EML6: variants seen among roughly 807,000 people sequenced by gnomAD.
The protein encoded by EML6 is echinoderm microtubule-associated protein-like 6.
In EML6, 154 loss-of-function variants were observed where a neutral mutation model predicts 240.1. The observed-to-expected ratio is 0.64, with a 90% CI of 0.56 to 0.73. The LOEUF (loss-of-function observed/expected upper bound fraction) is 0.73, where lower values mean the gene tolerates loss of function less well. Ranked by LOEUF, EML6 falls within the 30% of genes least tolerant of loss-of-function variation. The pLI is 0.00. For synonymous variants in EML6, 1,148 were observed against 899.0 expected (o/e 1.28, Z -4.95); for missense variants, 2,964 against 2,474.6 (o/e 1.20, Z -4.20).
chr2:54,915,196 A>T (rs1038799281), intron 25 of EML6, among the ~76,000 whole-genome samples: 1 of 152,194 alleles, frequency 6.6e-6, no homozygotes. Flanking sequence ...GCTTCCAGCA[A>T]GTTCGACATT....
At chr2:54,892,686 CTCA>C in intron 19 of EML6, 30 bp downstream of exon 19, 1 of 1,510,582 alleles carries the variant, frequency 6.6e-7, no homozygotes, top group Non-Finnish European at 9.0e-7. Context: ...ATTCATTTTC[CTCA>C]TCAGCCTTCT....
chr2:54,828,529 C>A (rs1231581519), intron 6 of EML6, among the ~76,000 whole-genome samples: 2 of 152,152 alleles, frequency 1.3e-5, no homozygotes, highest in Non-Finnish European at 2.9e-5. Flanking sequence ...TCCCTATACC[C>A]TTAATATGAA....
chr2:54,781,489 C>T (rs577751962), intron 2 of EML6, among the ~76,000 whole-genome samples: 1 of 152,258 alleles, frequency 6.6e-6, no homozygotes, highest in Admixed American at 6.5e-5. Context: ...TTATGGCAGT[C>T]ACCCTCTACT....
intron 3 of EML6, among the ~76,000 whole-genome samples, chr2:54,814,192 G>C (rs924593429): frequency 6.6e-6 from 1 of 152,122 alleles, no homozygotes; most frequent in Non-Finnish European, 1.5e-5. Context: ...TAGTCGAATT[G>C]GACAAATCTG....
intron 2 of EML6, among the ~76,000 whole-genome samples, chr2:54,730,689 C>G (rs1683115854): frequency 6.6e-6 from 1 of 152,228 alleles, no homozygotes; most frequent in Non-Finnish European, 1.5e-5. Context: ...TTGACGGAAG[C>G]TTATAATGAT....
At chr2:54,892,431 T>A in intron 18 of EML6, 23 bp from the exon 19 acceptor site, 1 of 1,520,132 alleles carries the variant, frequency 6.6e-7, no homozygotes, top group Non-Finnish European at 8.9e-7. Flanking sequence ...TATAAAGTAA[T>A]AACTGTTCTT....
chr2:54,771,205 C>G (rs1668386597), intron 2 of EML6, among the ~76,000 whole-genome samples: 1 of 152,146 alleles, frequency 6.6e-6, no homozygotes, highest in Non-Finnish European at 1.5e-5. Context: ...AGTTTAGGCT[C>G]TCTACCTTCT....
chr2:54,862,941 G>A (rs1306351474), intron 12 of EML6, among the ~76,000 whole-genome samples: 1 of 152,214 alleles, frequency 6.6e-6, no homozygotes, highest in Non-Finnish European at 1.5e-5. Context: ...CAGTCAGGCT[G>A]CAGGGGAACA....
intron 2 of EML6, among the ~76,000 whole-genome samples, chr2:54,739,116 A>T (rs1010157540): frequency 6.6e-6 from 1 of 152,238 alleles, no homozygotes; most frequent in African/African-American, 2.4e-5. Context: ...AGTAAAATAT[A>T]TACATATATT....
In EML6 at chr2:54,827,679, T is replaced by G. The variant is rs1226316669; in HGVS notation, c.639T>G (p.Ser213=). ...GTGCCAAAGAAGACATCACCTACTC[T>G]GGTGCTTTAAATGGTGACATCTATG... ...LACAKEDITY[S]GALNGDIYVW... The change falls in exon 6 of 42, where the codon TCT becomes TCG. Residue 213 remains serine (S), a synonymous_variant. Transcript: ENST00000356458. The G allele has an allele frequency of 1.9e-6, 3 of 1,551,536 alleles. No homozygotes were observed. Among genetic ancestry groups the G allele is most frequent in the Admixed American group, 3.9e-5 (2 of 50,992 alleles).
chr2:54,774,330 TC>T lies in EML6; in HGVS notation c.198-38901del, dbSNP rs772052682. Among the ~76,000 whole-genome samples the T allele has an allele frequency of 1.3e-5, 2 of 152,170 alleles. No homozygotes were observed. Among genetic ancestry groups the T allele is most frequent in the African/African-American group, 2.4e-5 (1 of 41,446 alleles). Reference sequence around the variant, plus strand: ...ATACTATGCAGGCTCCACAGGATGGTCAGGCCTTTATGTTCCTACATTGATC... The same window carrying T: ...ATACTATGCAGGCTCCACAGGATGGTAGGCCTTTATGTTCCTACATTGATC... On this transcript the variant is annotated intron_variant, in intron 2 of 41. Coordinates refer to ENST00000356458, the MANE Select transcript of EML6 (RefSeq NM_001039753.4). This position sits in a 1 kb window ranked among gnomAD's most constrained non-coding sequence, Gnocchi z 4.1.
chr2:54,832,522 A>C (rs1219924426), intron 7 of EML6, among the ~76,000 whole-genome samples: 2 of 152,242 alleles, frequency 1.3e-5, no homozygotes, highest in African/African-American at 4.8e-5. Context: ...AAGACCCAAC[A>C]CAAGTGTAGG....
At chr2:54,935,766 T>G (rs1392602655) in intron 28 of EML6, among the ~76,000 whole-genome samples, 2 of 152,160 alleles carry the variant, frequency 1.3e-5, no homozygotes, top group Non-Finnish European at 2.9e-5. Flanking sequence ...ATCTCAGCAC[T>G]TTGGAAGGCT....
intron 28 of EML6, 106 bp from the exon 29 acceptor site, chr2:54,948,776 C>T (rs1404930333): frequency 7.6e-6 from 6 of 793,940 alleles, no homozygotes; most frequent in East Asian, 2.7e-5. Flanking sequence ...GCCTTTGAGG[C>T]GGGAGGAGAG....
chr2:54,936,664 T>C (rs1675149363), intron 28 of EML6, among the ~76,000 whole-genome samples: 1 of 152,194 alleles, frequency 6.6e-6, no homozygotes, highest in Admixed American at 6.5e-5. Context: ...CAAGGTCCTT[T>C]ATTAACAACT....
rs1281253866 is a variant in EML6, at chr2:54,816,905, A to T, written c.456+20A>T. Reference sequence around the variant, plus strand: ...GACAGGGTAAGAACTTGTTGGATCAAGCTATGCAGATTTCAGAACTTGGGG... The same window carrying T: ...GACAGGGTAAGAACTTGTTGGATCATGCTATGCAGATTTCAGAACTTGGGG... On this transcript the variant is annotated intron_variant, in intron 4 of 41. Transcript: ENST00000356458. 1 of 1,507,140 alleles carries T rather than the reference A, an allele frequency of 6.6e-7. No individual in the cohort carries two copies. Among genetic ancestry groups the T allele is most frequent in the South Asian group, 1.2e-5 (1 of 83,158 alleles). The allele number at this position is 1,507,140 out of a possible 1,614,324, so 93.4% of individuals were successfully genotyped here.
intron 17 of EML6, among the ~76,000 whole-genome samples, chr2:54,886,257 C>T (rs1189080713): frequency 1.4e-5 from 2 of 145,876 alleles, no homozygotes; most frequent in African/African-American, 5.1e-5. Context: ...CCTCTGCCTC[C>T]TGGGTTCAAG....
chr2:54,809,047 T>C (rs1301379900), intron 2 of EML6, among the ~76,000 whole-genome samples: 1 of 152,174 alleles, frequency 6.6e-6, no homozygotes, highest in Non-Finnish European at 1.5e-5. Context: ...ATAAACTGAG[T>C]ACCAAAGGAA....
chr2:54,898,203 A>G (rs1348224810), intron 21 of EML6, among the ~76,000 whole-genome samples: 1 of 152,124 alleles, frequency 6.6e-6, no homozygotes, highest in Non-Finnish European at 1.5e-5. Flanking sequence ...TCCTTGAGCC[A>G]TTCAAGGTCC....
Sources: gnomAD v4.1 joint callset for allele counts (sites outside exome capture counted in the v4.1 genomes callset) on GRCh38, gnomAD v4.1.1 for gene constraint, Gnocchi (gnomAD v3.1) non-coding constraint, MANE v1.5 for transcripts, NCBI Gene and HGNC (gene_info 2026-07-23, HGNC 2026-07-21) for gene names.